CDH13: variants seen among roughly 807,000 people sequenced by gnomAD.
CDH13 encodes cadherin 13.
CDH13 carries 24 observed loss-of-function variants against 63.8 expected under a neutral mutation model. The ratio of observed to expected loss-of-function variants is 0.38; its 90% confidence interval spans 0.27 to 0.53. The LOEUF is 0.53. Among genes scored for constraint, CDH13 ranks in the 20% least tolerant of loss-of-function variants. The pLI is 0.85. For synonymous variants in CDH13, 503 were observed against 355.3 expected (o/e 1.42, Z -4.67); for missense variants, 1,049 against 903.1 (o/e 1.16, Z -2.07).
At chr16:82,679,443 A>C (rs1914302401) in intron 1 of CDH13, among the ~76,000 whole-genome samples, 1 of 152,246 alleles carries the variant, frequency 6.6e-6, no homozygotes, top group African/African-American at 2.4e-5. Flanking sequence ...CCTCCTACTA[A>C]AATGGCTTGT....
At chr16:82,891,320 T>G (rs914059146) in intron 2 of CDH13, among the ~76,000 whole-genome samples, 31 of 152,154 alleles carry the variant, frequency 2.0e-4, no homozygotes, top group African/African-American at 7.5e-4. Context: ...ACCCAGGATT[T>G]CCCATCCTCT....
At chr16:83,001,702 A>G (rs1269571901) in intron 2 of CDH13, among the ~76,000 whole-genome samples, 1 of 152,166 alleles carries the variant, frequency 6.6e-6, no homozygotes, top group African/African-American at 2.4e-5. Flanking sequence ...GACCATTTAC[A>G]CCTACGGATG....
chr16:83,385,530 T>C (rs891175779), intron 6 of CDH13, among the ~76,000 whole-genome samples: 4 of 152,208 alleles, frequency 2.6e-5, no homozygotes, highest in African/African-American at 9.6e-5. Flanking sequence ...AAATAACTTA[T>C]TTATAACAAA....
chr16:83,132,102 GAATTT>G (rs1391494467), intron 4 of CDH13, among the ~76,000 whole-genome samples: 1 of 152,076 alleles, frequency 6.6e-6, no homozygotes, highest in Non-Finnish European at 1.5e-5. Flanking sequence ...GATAGTCTTG[GAATTT>G]AATTTGTTTT....
intron 2 of CDH13, among the ~76,000 whole-genome samples, chr16:82,946,016 A>G (rs1567683478): frequency 6.6e-6 from 1 of 152,034 alleles, no homozygotes; most frequent in Non-Finnish European, 1.5e-5. Context: ...TCTGAATTTT[A>G]TAGCACTTCT....
intron 6 of CDH13, among the ~76,000 whole-genome samples, chr16:83,474,912 G>A (rs888221018): frequency 4.6e-5 from 7 of 152,196 alleles, no homozygotes; most frequent in Admixed American, 4.6e-4. Context: ...GTGAGCCGGT[G>A]CAGTTCTGGG....
intron 7 of CDH13, among the ~76,000 whole-genome samples, chr16:83,489,090 C>A (rs2073955415): frequency 1.3e-5 from 2 of 152,204 alleles, no homozygotes; most frequent in South Asian, 2.1e-4. Context: ...GATCCTTTCA[C>A]AAGAAAAAGA....
chr16:83,216,418 A>G (rs1351262233), intron 4 of CDH13, among the ~76,000 whole-genome samples: 1,163 of 93,154 alleles, frequency 0.012, 142 homozygotes, highest in African/African-American at 0.035. Flanking sequence ...ATATATATAT[A>G]TATATATATA....
intron 11 of CDH13, among the ~76,000 whole-genome samples, chr16:83,750,763 C>T (rs1004791884): frequency 5.9e-5 from 9 of 152,174 alleles, no homozygotes; most frequent in Admixed American, 3.9e-4. Context: ...GCCTTCCTCA[C>T]ATCCCTCAGC....
chr16:83,206,866 A>G lies in CDH13; in HGVS notation c.484-10479A>G, dbSNP rs148221598. ...TTTACAGAGCCTCCTAGTGCCTACA[A>G]TTCACAAAAGGGCCTTGACCTTCTC... On this transcript the variant is annotated intron_variant, in intron 4 of 13. Coordinates refer to ENST00000567109, the MANE Select transcript of CDH13 (RefSeq NM_001257.5). 2.6e-3 allele frequency among the ~76,000 whole-genome samples: 394 copies of G among 150,426 alleles called. 2 individuals carry two copies. Among genetic ancestry groups the G allele is most frequent in the East Asian group, 0.019 (97 of 4,990 alleles).
chr16:83,190,401 A>C (rs1367582375), intron 4 of CDH13, among the ~76,000 whole-genome samples: 1 of 152,208 alleles, frequency 6.6e-6, no homozygotes, highest in Non-Finnish European at 1.5e-5. Flanking sequence ...GTCAAATTGC[A>C]TTTATAGCAC....
chr16:83,255,240 G>A (rs963714613), intron 5 of CDH13, among the ~76,000 whole-genome samples: 5 of 152,182 alleles, frequency 3.3e-5, no homozygotes, highest in African/African-American at 1.2e-4. Context: ...CATGGACTAT[G>A]TGGCCATGAT....
At chr16:83,044,939 C>G (rs1457556926) in intron 3 of CDH13, among the ~76,000 whole-genome samples, 2 of 152,268 alleles carry the variant, frequency 1.3e-5, no homozygotes, top group East Asian at 3.9e-4. Flanking sequence ...TGTACATTTT[C>G]TAGGCTCTCT....
At chr16:83,221,046 C>T (rs2039684279) in intron 5 of CDH13, among the ~76,000 whole-genome samples, 1 of 152,238 alleles carries the variant, frequency 6.6e-6, no homozygotes, top group Non-Finnish European at 1.5e-5. Context: ...ACAACTTTTT[C>T]AAGGTCTCAC....
Position 83,748,278 on chromosome 16 carries a change from G to A in CDH13, c.1681+28G>A, listed in dbSNP as rs757935895. The A allele has an allele frequency of 4.5e-6, 7 of 1,564,592 alleles. No homozygotes were observed. In the South Asian group the frequency reaches 5.9e-5, roughly 13 times the overall value. On this transcript the variant is annotated intron_variant, in intron 11 of 13. Coordinates refer to ENST00000567109, the MANE Select transcript of CDH13 (RefSeq NM_001257.5). Reference sequence around the variant, plus strand: ...GAGTACTTGACAAAGACCATCAAGGGTATACTTTTCTGCTACAAATATACT... The same window carrying A: ...GAGTACTTGACAAAGACCATCAAGGATATACTTTTCTGCTACAAATATACT...
intron 2 of CDH13, among the ~76,000 whole-genome samples, chr16:82,896,965 T>G (rs1218775274): frequency 6.6e-6 from 1 of 151,570 alleles, no homozygotes; most frequent in African/African-American, 2.4e-5. Flanking sequence ...GTATTTTTAG[T>G]AGAGATGGGG....
At chr16:83,762,568 G>T (rs1253963211) in intron 11 of CDH13, among the ~76,000 whole-genome samples, 1 of 152,176 alleles carries the variant, frequency 6.6e-6, no homozygotes, top group Admixed American at 6.6e-5. Flanking sequence ...TCAAATGTTA[G>T]TCGCCCTGTC....
intron 2 of CDH13, among the ~76,000 whole-genome samples, chr16:82,860,202 A>G (rs930760676): frequency 8.5e-5 from 13 of 152,122 alleles, no homozygotes; most frequent in South Asian, 2.1e-4. Flanking sequence ...GACCCTGAGT[A>G]TGGAAATTAA....
intron 4 of CDH13, among the ~76,000 whole-genome samples, chr16:83,192,849 C>G (rs12716964): frequency 0.49 from 75,006 of 151,808 alleles, 21,303 homozygotes; most frequent in African/African-American, 0.79. Flanking sequence ...CGACTCGGGG[C>G]GAACAGTGCA....
Sources: allele counts gnomAD v4.1 joint callset (sites outside exome capture counted in the v4.1 genomes callset), GRCh38; gene constraint gnomAD v4.1.1; transcripts MANE v1.5; gene names NCBI Gene and HGNC (gene_info 2026-07-23, HGNC 2026-07-21).